Variants in BACE2 observed in about 807,000 individuals in gnomAD.
BACE2 encodes 56 kDa aspartic-like protease.
In BACE2, 17 loss-of-function variants were observed where a neutral mutation model predicts 46.2. The observed-to-expected ratio is 0.37, with a 90% confidence interval of 0.25 to 0.55. The LOEUF is 0.55. Ranked by LOEUF, BACE2 falls within the 20% of genes least tolerant of loss-of-function variation. The probability of loss-of-function intolerance (pLI) is 0.82; values close to 1 mark genes in which losing one functional copy is unlikely to be tolerated. For synonymous variants in BACE2, 277 were observed against 295.9 expected (o/e 0.94, Z 0.66); for missense variants, 595 against 698.1 (o/e 0.85, Z 1.66).
intron 1 of BACE2, among the ~76,000 whole-genome samples, chr21:41,172,019 C>A (rs1337157869): frequency 1.3e-5 from 2 of 152,224 alleles, no homozygotes; most frequent in Non-Finnish European, 2.9e-5. Context: ...AAGAAGCCAT[C>A]CAGGCTCCCC....
chr21:41,242,609 G>A (rs746319823), intron 4 of BACE2, among the ~76,000 whole-genome samples: 13 of 152,086 alleles, frequency 8.5e-5, no homozygotes, highest in Non-Finnish European at 1.6e-4. Flanking sequence ...TCCAGGCAGA[G>A]GACAGCATAG....
At chr21:41,247,396 G>A (rs1325145214) in intron 6 of BACE2, among the ~76,000 whole-genome samples, 13 of 152,378 alleles carry the variant, frequency 8.5e-5, no homozygotes, top group Non-Finnish European at 1.8e-4. Flanking sequence ...ACTATCTGCT[G>A]AATCAGAGAA....
chr21:41,188,512 C>T (rs1985455409), intron 1 of BACE2, among the ~76,000 whole-genome samples: 1 of 152,092 alleles, frequency 6.6e-6, no homozygotes. Flanking sequence ...GGAAGTCATG[C>T]CTGTGTCTAG....
At chr21:41,195,121 A>C (rs1389273494) in intron 1 of BACE2, among the ~76,000 whole-genome samples, 1 of 152,254 alleles carries the variant, frequency 6.6e-6, no homozygotes, top group East Asian at 1.9e-4. Flanking sequence ...ATAAAGTTTT[A>C]TTGGAACACA....
intron 3 of BACE2, among the ~76,000 whole-genome samples, chr21:41,240,895 C>T (rs112893198): frequency 1.2e-4 from 18 of 152,328 alleles, no homozygotes; most frequent in South Asian, 8.3e-4. Flanking sequence ...TTAGTTCTCA[C>T]GGATAGTAAA....
intron 1 of BACE2, among the ~76,000 whole-genome samples, chr21:41,214,143 A>G (rs921632603): frequency 6.6e-6 from 1 of 152,174 alleles, no homozygotes; most frequent in African/African-American, 2.4e-5. Context: ...TTCCTAGAAG[A>G]GGGAGGGTGC....
At chr21:41,274,187 G>C (rs751958020) in intron 8 of BACE2, among the ~76,000 whole-genome samples, 7 of 152,144 alleles carry the variant, frequency 4.6e-5, no homozygotes, top group Admixed American at 3.3e-4. Context: ...GGTGTTGGCA[G>C]GCTCTTGTTC....
intron 8 of BACE2, among the ~76,000 whole-genome samples, chr21:41,259,385 A>G (rs1432657320): frequency 6.6e-6 from 1 of 152,038 alleles, no homozygotes; most frequent in Non-Finnish European, 1.5e-5. Flanking sequence ...GCTGCAATTA[A>G]CGGCCCAGAC....
intron 1 of BACE2, among the ~76,000 whole-genome samples, chr21:41,195,685 C>A (rs1332535796): frequency 1.3e-5 from 2 of 152,186 alleles, no homozygotes; most frequent in African/African-American, 4.8e-5. Flanking sequence ...CCTCTCCTCC[C>A]CGACTATAGA....
intron 1 of BACE2, among the ~76,000 whole-genome samples, chr21:41,201,585 C>T (rs564139541): frequency 1.1e-4 from 17 of 152,330 alleles, no homozygotes; most frequent in African/African-American, 3.4e-4. Flanking sequence ...CTGGCAGGCT[C>T]CTCAGGGGAG....
chr21:41,179,400 G>C, intron 1 of BACE2: 3 of 1,325,068 alleles, frequency 2.3e-6, no homozygotes, highest in Non-Finnish European at 3.0e-6. Flanking sequence ...GGTGAGTGAG[G>C]GTGTCCAGGG....
chr21:41,253,333 C>G (rs1352736793), intron 7 of BACE2, among the ~76,000 whole-genome samples: 1 of 150,964 alleles, frequency 6.6e-6, no homozygotes, highest in Non-Finnish European at 1.5e-5. Context: ...TCCCAGCTAC[C>G]TGGGAGGCTA....
At chr21:41,242,053 G>A (rs532880641) in intron 4 of BACE2, 106 bp downstream of exon 4, 147 of 1,427,728 alleles carry the variant, frequency 1.0e-4, no homozygotes, top group Middle Eastern at 1.8e-4. Flanking sequence ...GTAGGTGTGC[G>A]TAGGTACTGT....
At chr21:41,226,907 A>G (rs975472855) in intron 2 of BACE2, among the ~76,000 whole-genome samples, 1 of 152,226 alleles carries the variant, frequency 6.6e-6, no homozygotes, top group African/African-American at 2.4e-5. Flanking sequence ...ATTAAGGGCC[A>G]AGACTGGGGC....
At chr21:41,202,318 C>A (rs1985989783) in intron 1 of BACE2, among the ~76,000 whole-genome samples, 1 of 152,190 alleles carries the variant, frequency 6.6e-6, no homozygotes, top group Admixed American at 6.5e-5. Flanking sequence ...TATCACACGA[C>A]CAATGCTTGG....
At chr21:41,169,373 C>T (rs1382769343) in intron 1 of BACE2, among the ~76,000 whole-genome samples, 1 of 151,626 alleles carries the variant, frequency 6.6e-6, no homozygotes, top group Non-Finnish European at 1.5e-5. Flanking sequence ...AAACAGCTTT[C>T]CTTTTCTCTT....
Position 41,227,498 on chromosome 21 carries a change from A to G in BACE2, c.401+1144A>G, listed in dbSNP as rs940217289. ...AGCCAGATGATTTGCTGTGTATGAA[A>G]GAAAGCATAGAGGAAACCCTGTATA... On this transcript the variant is annotated intron_variant, in intron 2 of 8. Coordinates refer to ENST00000330333, the MANE Select transcript of BACE2 (RefSeq NM_012105.5). 2.0e-5 allele frequency among the ~76,000 whole-genome samples: 3 copies of G among 152,248 alleles called. No individual in the cohort carries two copies. In the East Asian group the frequency reaches 5.8e-4, roughly 29 times the overall value.
chr21:41,253,751 T>A (rs1188348688), intron 7 of BACE2, among the ~76,000 whole-genome samples: 2 of 152,160 alleles, frequency 1.3e-5, no homozygotes, highest in Non-Finnish European at 2.9e-5. Context: ...TTTGGGAGCA[T>A]TTCATCTCAT....
intron 2 of BACE2, 115 bp downstream of exon 2, chr21:41,226,469 A>G (rs9305731): frequency 0.14 from 118,568 of 857,472 alleles, 10,627 homozygotes; most frequent in African/African-American, 0.38. Flanking sequence ...GGGGGATACC[A>G]ATATGTATGT....
Sources: gnomAD v4.1 joint callset for allele counts (sites outside exome capture counted in the v4.1 genomes callset) on GRCh38, gnomAD v4.1.1 for gene constraint, MANE v1.5 for transcripts, NCBI Gene and HGNC (gene_info 2026-07-23, HGNC 2026-07-21) for gene names.